SEZ6L: variants seen among roughly 807,000 people sequenced by gnomAD.
SEZ6L encodes seizure 6-like protein.
SEZ6L carries 37 observed loss-of-function variants against 106.2 expected under a neutral mutation model. That is an observed-to-expected ratio of 0.35 (90% CI 0.27 to 0.46). SEZ6L has a LOEUF of 0.46. SEZ6L is among the 20% of genes least tolerant of loss of function. The probability of loss-of-function intolerance (pLI) is 1.00; values close to 1 mark genes in which losing one functional copy is unlikely to be tolerated. For synonymous variants in SEZ6L, 541 were observed against 570.4 expected (o/e 0.95, Z 0.73); for missense variants, 1,172 against 1,332.8 (o/e 0.88, Z 1.88).
chr22:26,273,170 A>G (rs2080424714), intron 1 of SEZ6L, among the ~76,000 whole-genome samples: 1 of 152,204 alleles, frequency 6.6e-6, no homozygotes, highest in Admixed American at 6.5e-5. Context: ...CTGTGTCACA[A>G]GCCCCACGTG....
intron 6 of SEZ6L, among the ~76,000 whole-genome samples, chr22:26,309,970 G>C (rs2081764428): frequency 6.6e-6 from 1 of 152,158 alleles, no homozygotes. Flanking sequence ...ACACAGCTGA[G>C]AAGTGACAGA....
chr22:26,359,771 C>T (rs371765229), intron 12 of SEZ6L, among the ~76,000 whole-genome samples: 1 of 151,962 alleles, frequency 6.6e-6, no homozygotes, highest in Admixed American at 6.6e-5. Flanking sequence ...CCACTGCACT[C>T]CAGCCTGGGT....
At chr22:26,348,014 T>G (rs1338431719) in intron 11 of SEZ6L, 101 bp downstream of exon 11, 11 of 894,406 alleles carry the variant, frequency 1.2e-5, no homozygotes, top group South Asian at 2.1e-5. Context: ...ATGTAGAATC[T>G]GGACTCCCCC....
At position 26,315,667 on chromosome 22, in the gene SEZ6L, T is replaced by C. The variant is rs76281209; in HGVS notation, c.2015+1765T>C. Among the ~76,000 whole-genome samples, 985 of 152,168 alleles carry C rather than the reference T, an allele frequency of 6.5e-3. 19 individuals are homozygous for C. The highest frequency in any genetic ancestry group is 0.059 in the East Asian group (304 of 5,178). ...TTCTCGCCTCTCTCTGGACCTCAAT[T>C]TTTCTCTCCTGTAATGGGGGTCTTG... On this transcript the variant is annotated intron_variant, in intron 9 of 16. Transcript: ENST00000248933.
intron 1 of SEZ6L, among the ~76,000 whole-genome samples, chr22:26,273,095 T>A (rs529763013): frequency 1.3e-5 from 2 of 152,380 alleles, no homozygotes; most frequent in South Asian, 4.1e-4. Flanking sequence ...TAGCTATTGT[T>A]CATGGGTGGG....
chr22:26,222,920 C>T (rs558231599), intron 1 of SEZ6L, among the ~76,000 whole-genome samples: 4 of 151,952 alleles, frequency 2.6e-5, no homozygotes, highest in Admixed American at 6.5e-5. Flanking sequence ...TGTTTGCTAC[C>T]GGCATCTACT....
intron 1 of SEZ6L, among the ~76,000 whole-genome samples, chr22:26,274,705 G>T (rs117441365): frequency 6.6e-6 from 1 of 152,218 alleles, no homozygotes; most frequent in South Asian, 2.1e-4. Context: ...ATGAGGCAGA[G>T]TCCTAGAAAC....
chr22:26,203,246 T>C (rs897311996), intron 1 of SEZ6L, among the ~76,000 whole-genome samples: 1 of 152,208 alleles, frequency 6.6e-6, no homozygotes, highest in Non-Finnish European at 1.5e-5. Flanking sequence ...CTCACTTTCA[T>C]CTCTGTGCCA....
intron 1 of SEZ6L, among the ~76,000 whole-genome samples, chr22:26,269,308 G>A (rs1239065115): frequency 6.6e-6 from 1 of 152,164 alleles, no homozygotes; most frequent in African/African-American, 2.4e-5. Flanking sequence ...ATCATCCCTG[G>A]AGATTCTGCT....
chr22:26,314,110 A>G (rs1303115505), intron 9 of SEZ6L, among the ~76,000 whole-genome samples: 1 of 146,992 alleles, frequency 6.8e-6, no homozygotes, highest in Non-Finnish European at 1.5e-5. Flanking sequence ...AGAGAGAGAG[A>G]GGAGAGAGAG....
chr22:26,348,562 G>GAAAGAAAGAAA (rs1569473304), intron 11 of SEZ6L, among the ~76,000 whole-genome samples: 8 of 46,930 alleles, frequency 1.7e-4, no homozygotes, highest in Non-Finnish European at 3.0e-4. Context: ...AGGAAGGAAG[G>GAAAGAAAGAAA]GAGGAAAGAA....
In SEZ6L at chr22:26,170,777, G is replaced by C. The variant is rs537673180; in HGVS notation, c.94+1014G>C. On this transcript the variant is annotated intron_variant, in intron 1 of 16. Coordinates refer to ENST00000248933, the MANE Select transcript of SEZ6L (RefSeq NM_021115.5). Reference sequence around the variant, plus strand: ...GCCACAGGACCCGGCCTTCTTGCAAGGTCCCAGAAATGCGCTCCTCACGTG... The same window carrying C: ...GCCACAGGACCCGGCCTTCTTGCAACGTCCCAGAAATGCGCTCCTCACGTG... Among the ~76,000 whole-genome samples the C allele has an allele frequency of 4.6e-5, 7 of 152,312 alleles. No individual in the cohort carries two copies. The South Asian group carries it at 1.4e-3, about 32-fold the overall frequency.
chr22:26,259,375 G>A (rs1024813098), intron 1 of SEZ6L, among the ~76,000 whole-genome samples: 1 of 152,154 alleles, frequency 6.6e-6, no homozygotes, highest in Non-Finnish European at 1.5e-5. Context: ...TAGCCTTCAA[G>A]GGCAATCTGA....
intron 1 of SEZ6L, among the ~76,000 whole-genome samples, chr22:26,227,331 C>T (rs1165330719): frequency 3.9e-5 from 6 of 152,140 alleles, no homozygotes. Context: ...GTCTAATGAG[C>T]TGACGTGTAG....
intron 5 of SEZ6L, among the ~76,000 whole-genome samples, chr22:26,300,298 TC>T (rs2081413899): frequency 6.6e-6 from 1 of 152,046 alleles, no homozygotes; most frequent in South Asian, 2.1e-4. Context: ...ATGCTATCCC[TC>T]CCCCCTCTCC....
chr22:26,215,949 C>T (rs1311532174), intron 1 of SEZ6L, among the ~76,000 whole-genome samples: 3 of 152,224 alleles, frequency 2.0e-5, no homozygotes, highest in Non-Finnish European at 2.9e-5. Flanking sequence ...CCCAGCTTCT[C>T]GCTGACAGAA....
intron 1 of SEZ6L, among the ~76,000 whole-genome samples, chr22:26,214,867 T>G (rs2078255840): frequency 6.6e-6 from 1 of 152,038 alleles, no homozygotes. Flanking sequence ...TGATCAAACT[T>G]ATAACACTGA....
intron 12 of SEZ6L, among the ~76,000 whole-genome samples, chr22:26,360,751 AC>A (rs2083589376): frequency 6.6e-6 from 1 of 152,188 alleles, no homozygotes; most frequent in Non-Finnish European, 1.5e-5. Flanking sequence ...GGCTGTAATG[AC>A]CCGGTAACTG....
chr22:26,269,837 T>C (rs2080306516), intron 1 of SEZ6L, among the ~76,000 whole-genome samples: 1 of 152,208 alleles, frequency 6.6e-6, no homozygotes, highest in Non-Finnish European at 1.5e-5. Context: ...TATTGTATTA[T>C]CTCGGCCACC....
Sources: gnomAD v4.1 joint callset for allele counts (sites outside exome capture counted in the v4.1 genomes callset) on GRCh38, gnomAD v4.1.1 for gene constraint, MANE v1.5 for transcripts, NCBI Gene and HGNC (gene_info 2026-07-23, HGNC 2026-07-21) for gene names.